Variants in NTNG1 observed in about 807,000 individuals in gnomAD.
NTNG1 encodes netrin G1, also known as netrin-G1.
NTNG1 carries 16 observed loss-of-function variants against 54.0 expected under a neutral mutation model. That is an observed-to-expected ratio of 0.30 (90% CI 0.20 to 0.45). The LOEUF (loss-of-function observed/expected upper bound fraction) is 0.45. NTNG1 is among the 20% of genes least tolerant of loss of function. The pLI is 1.00. For synonymous variants in NTNG1, 255 were observed against 263.1 expected (o/e 0.97, Z 0.30); for missense variants, 530 against 678.7 (o/e 0.78, Z 2.43).
chr1:107,324,179 ATT>A lies in NTNG1; in HGVS notation c.247-94_247-93del, dbSNP rs567737906. ...AAATAAAAATGATTACTGAAAACAG[ATT>A]TTTTTTTTCCTTTTCTAGCCTCTTA... is the stretch of plus-strand genomic sequence containing the variant. On this transcript the variant is annotated intron_variant, in intron 2 of 7. Transcript: ENST00000370068. 7 of 997,988 alleles carry A rather than the reference ATT, an allele frequency of 7.0e-6. No homozygotes were observed. The Admixed American group carries it at 1.4e-4, about 20-fold the overall frequency. 61.8% of individuals were successfully genotyped at this position (997,988 alleles called of 1,614,324 possible).
chr1:107,310,068 C>G (rs908397543), intron 2 of NTNG1, among the ~76,000 whole-genome samples: 1 of 152,060 alleles, frequency 6.6e-6, no homozygotes, highest in Admixed American at 6.6e-5. Context: ...AAATTCCTAA[C>G]CATAAGGGTG....
chr1:107,208,328 G>A (rs1215728558), intron 2 of NTNG1, among the ~76,000 whole-genome samples: 2 of 151,680 alleles, frequency 1.3e-5, no homozygotes, highest in African/African-American at 4.8e-5. Context: ...TACTCAGGAG[G>A]CTGAGGCAGG....
At position 107,484,802 on chromosome 1, in the gene NTNG1, A is replaced by G. The variant is rs1220537964; in HGVS notation, c.*3962A>G. On this transcript the variant is annotated 3_prime_UTR_variant, in exon 8 of 8. Transcript: ENST00000370068. ...AATCCAGTATGATTGGGATGTAAAG[A>G]CCCAGCATTCTGAAATGGGATGCTC... Among the ~76,000 whole-genome samples, 1 of 152,204 alleles carries G rather than the reference A, an allele frequency of 6.6e-6. No homozygotes were observed. The highest frequency in any genetic ancestry group is 1.9e-4 in the East Asian group (1 of 5,204).
chr1:107,379,426 G>A (rs1188923427), intron 3 of NTNG1, among the ~76,000 whole-genome samples: 2 of 152,146 alleles, frequency 1.3e-5, no homozygotes, highest in Admixed American at 6.5e-5. Context: ...TCAAGCACCT[G>A]AAAGTTTAAA....
intron 2 of NTNG1, among the ~76,000 whole-genome samples, chr1:107,226,244 G>A (rs1223066567): frequency 1.3e-5 from 2 of 152,106 alleles, no homozygotes; most frequent in Admixed American, 6.5e-5. Context: ...ACTCTTGTGA[G>A]TCTTAGTTTG....
chr1:107,358,476 C>T (rs906473275), intron 3 of NTNG1, among the ~76,000 whole-genome samples: 2 of 151,612 alleles, frequency 1.3e-5, no homozygotes, highest in South Asian at 2.1e-4. Flanking sequence ...CTAATGTAAA[C>T]TTTTTCTTTA....
intron 7 of NTNG1, among the ~76,000 whole-genome samples, chr1:107,473,163 T>C (rs1450478842): frequency 6.6e-6 from 1 of 152,192 alleles, no homozygotes; most frequent in Admixed American, 6.5e-5. Flanking sequence ...AAAGCTGTCA[T>C]GGTAACGCAT....
rs531806487 is a variant in NTNG1 at position 107,282,283 on chromosome 1, T to G, written c.247-41999T>G. Among the ~76,000 whole-genome samples the G allele has an allele frequency of 7.2e-5, 11 of 152,260 alleles. No individual in the cohort carries two copies. In the East Asian group the frequency reaches 2.1e-3, roughly 29 times the overall value. Reference sequence around the variant, plus strand: ...AGACCTCTACTTGTTGCCAACCCTTTCCTGTCTGTTCTTTCTCCCTACGAA... The same window carrying G: ...AGACCTCTACTTGTTGCCAACCCTTGCCTGTCTGTTCTTTCTCCCTACGAA... On this transcript the variant is annotated intron_variant, in intron 2 of 7. Transcript: ENST00000370068.
intron 7 of NTNG1, among the ~76,000 whole-genome samples, chr1:107,439,849 G>C (rs1675855692): frequency 6.6e-6 from 1 of 151,924 alleles, no homozygotes; most frequent in Non-Finnish European, 1.5e-5. Flanking sequence ...ATTCTGATTA[G>C]TTGGTGCTGG....
At chr1:107,341,872 AG>A (rs1317288189) in intron 3 of NTNG1, among the ~76,000 whole-genome samples, 5 of 152,002 alleles carry the variant, frequency 3.3e-5, no homozygotes, top group Non-Finnish European at 7.4e-5. Context: ...GTGTCCTGGG[AG>A]GTTAAGAGGT....
At chr1:107,167,695 AT>A (rs1655910652) in intron 2 of NTNG1, among the ~76,000 whole-genome samples, 1 of 151,988 alleles carries the variant, frequency 6.6e-6, no homozygotes, top group African/African-American at 2.4e-5. Context: ...TATTGAGTAT[AT>A]TTCATCAGGC....
Position 107,250,451 on chromosome 1 carries a change from G to A in NTNG1, c.247-73831G>A, listed in dbSNP as rs547665510. ...TCAAGAAAGACAGCTGTGAAAACAT[G>A]TGGTGTTTGGTTTTCTGTTCCTGTG... On this transcript the variant is annotated intron_variant, in intron 2 of 7. Coordinates refer to ENST00000370068, the MANE Select transcript of NTNG1 (RefSeq NM_001113226.3). Among the ~76,000 whole-genome samples, 104 of 152,220 alleles carry A rather than the reference G, an allele frequency of 6.8e-4. 3 individuals are homozygous for A. The South Asian group carries it at 0.021, about 31-fold the overall frequency.
chr1:107,334,081 A>T (rs573015721), intron 3 of NTNG1: 5 of 152,078 alleles, frequency 3.3e-5, no homozygotes, highest in African/African-American at 1.2e-4. Flanking sequence ...AGTGCCTCAA[A>T]CTCTAATTAC....
At chr1:107,457,373 C>T (rs547503453) in intron 7 of NTNG1, among the ~76,000 whole-genome samples, 1 of 152,168 alleles carries the variant, frequency 6.6e-6, no homozygotes, top group East Asian at 1.9e-4. Context: ...TCCATTTGCA[C>T]CTTTTACATT....
At chr1:107,355,907 T>C (rs1669908524) in intron 3 of NTNG1, among the ~76,000 whole-genome samples, 1 of 152,202 alleles carries the variant, frequency 6.6e-6, no homozygotes, top group Admixed American at 6.5e-5. Flanking sequence ...TGGATTTTTC[T>C]ACATTGTTTT....
intron 2 of NTNG1, among the ~76,000 whole-genome samples, chr1:107,164,137 A>G (rs1655599385): frequency 6.6e-6 from 1 of 152,180 alleles, no homozygotes; most frequent in Non-Finnish European, 1.5e-5. Context: ...GGTGACTGTG[A>G]ATTAAAAAGA....
intron 5 of NTNG1, among the ~76,000 whole-genome samples, chr1:107,416,025 A>G (rs1280311519): frequency 1.3e-5 from 2 of 152,192 alleles, no homozygotes; most frequent in African/African-American, 4.8e-5. Flanking sequence ...AAAACAAAAT[A>G]CATTTAAAAA....
intron 3 of NTNG1, among the ~76,000 whole-genome samples, chr1:107,382,931 G>A (rs183664663): frequency 4.0e-5 from 6 of 151,660 alleles, no homozygotes; most frequent in Non-Finnish European, 8.8e-5. Flanking sequence ...TCTCAGAAAA[G>A]GGAGAATTAG....
At chr1:107,230,835 G>A (rs927907870) in intron 2 of NTNG1, among the ~76,000 whole-genome samples, 1 of 152,124 alleles carries the variant, frequency 6.6e-6, no homozygotes, top group African/African-American at 2.4e-5. Context: ...AGTTGGCCTT[G>A]GTAGATAATA....
Sources: gnomAD v4.1 joint callset for allele counts (sites outside exome capture counted in the v4.1 genomes callset) on GRCh38, gnomAD v4.1.1 for gene constraint, MANE v1.5 for transcripts, NCBI Gene and HGNC (gene_info 2026-07-23, HGNC 2026-07-21) for gene names.